The following RANBP2 variants were observed in gnomAD, a reference collection of about 807,000 sequenced individuals.
RANBP2 encodes RAN binding protein 2.
In RANBP2, 57 loss-of-function variants were observed where a neutral mutation model predicts 303.6. The observed-to-expected ratio is 0.19, with a 90% CI of 0.15 to 0.23. RANBP2 has a LOEUF of 0.23. Ranked by LOEUF, RANBP2 falls within the 10% of genes least tolerant of loss-of-function variation. The pLI is 1.00. For synonymous variants in RANBP2, 1,167 were observed against 1,301.5 expected, an observed-to-expected ratio of 0.90 and a Z score of 2.23; for missense variants, 3,138 against 3,780.8, an observed-to-expected ratio of 0.83 and a Z score of 4.46.
intron 1 of RANBP2, among the ~76,000 whole-genome samples, chr2:108,721,206 T>C (rs1405931864): frequency 3.9e-5 from 6 of 152,174 alleles, no homozygotes; most frequent in Non-Finnish European, 5.9e-5. Context: ...TTAAGATACT[T>C]GTTCAGGGTC....
chr2:109,537,097 GA>G, the RANBP2 span, among the ~76,000 whole-genome samples: 317 of 152,302 alleles, frequency 2.1e-3, no homozygotes, highest in African/African-American at 6.7e-3. Flanking sequence ...AATGTAAGGG[GA>G]TAACTCTGGC....
the RANBP2 span, among the ~76,000 whole-genome samples, chr2:109,336,890 C>T: frequency 6.6e-6 from 1 of 152,208 alleles, no homozygotes; most frequent in Non-Finnish European, 1.5e-5. Context: ...CTGCTCAGTT[C>T]CTCCTGTCCC....
the RANBP2 span, among the ~76,000 whole-genome samples, chr2:109,569,079 G>C: frequency 6.6e-6 from 1 of 152,106 alleles, no homozygotes; most frequent in Non-Finnish European, 1.5e-5. Flanking sequence ...AAAAACCTCA[G>C]GCTAATCAGT....
At chr2:109,315,043 A>T in the RANBP2 span, among the ~76,000 whole-genome samples, 1 of 152,238 alleles carries the variant, frequency 6.6e-6, no homozygotes. Context: ...AACAGCGACC[A>T]CATTGAAGAG....
chr2:109,540,255 T>C, the RANBP2 span, among the ~76,000 whole-genome samples: 7 of 152,298 alleles, frequency 4.6e-5, no homozygotes, highest in Non-Finnish European at 8.8e-5. Flanking sequence ...TGCACTGTTT[T>C]ATCTACGCTC....
the RANBP2 span, among the ~76,000 whole-genome samples, chr2:108,820,699 C>CAAAAAAAAAAAA: frequency 1.8e-4 from 11 of 62,574 alleles, no homozygotes; most frequent in African/African-American, 3.2e-4. Context: ...ATTCAAAGTG[C>CAAAAAAAAAAAA]AAAAAAAAAA....
the RANBP2 span, among the ~76,000 whole-genome samples, chr2:109,249,912 C>G: frequency 6.6e-6 from 1 of 151,158 alleles, no homozygotes; most frequent in Non-Finnish European, 1.5e-5. Flanking sequence ...TCTCGATCTC[C>G]TGACCTCATG....
chr2:109,482,446 C>T, the RANBP2 span, among the ~76,000 whole-genome samples: 5 of 152,312 alleles, frequency 3.3e-5, no homozygotes, highest in East Asian at 1.9e-4. Context: ...ACGCACTTCC[C>T]GCAGAACACC....
At chr2:109,377,114 T>A in the RANBP2 span, among the ~76,000 whole-genome samples, 1 of 152,358 alleles carries the variant, frequency 6.6e-6, no homozygotes, top group South Asian at 2.1e-4. Context: ...TAGAATTCAA[T>A]CAGAGCTGTA....
chr2:108,875,266 A>G, the RANBP2 span, among the ~76,000 whole-genome samples: 1 of 151,676 alleles, frequency 6.6e-6, no homozygotes, highest in Non-Finnish European at 1.5e-5. Context: ...ACACGTATAC[A>G]TATGTAACTA....
chr2:109,253,893 T>C, the RANBP2 span, among the ~76,000 whole-genome samples: 399 of 152,236 alleles, frequency 2.6e-3, 2 homozygotes, highest in Middle Eastern at 0.031. Context: ...TTGAACTGCA[T>C]TTTCTTCTTT....
At chr2:109,385,318 A>C in the RANBP2 span, among the ~76,000 whole-genome samples, 72,359 of 151,952 alleles carry the variant, frequency 0.48, 17,344 homozygotes, top group Middle Eastern at 0.55. Flanking sequence ...ATGATTGTTA[A>C]CTTAATTGTA....
At chr2:108,734,732 A>T (rs1410370049) in intron 4 of RANBP2, among the ~76,000 whole-genome samples, 1 of 151,854 alleles carries the variant, frequency 6.6e-6, no homozygotes, top group Non-Finnish European at 1.5e-5. Context: ...CAAGGGTGGT[A>T]TGGTGGTTTC....
At chr2:108,745,359 G>GT (rs1696425396) in intron 7 of RANBP2, among the ~76,000 whole-genome samples, 2 of 147,276 alleles carry the variant, frequency 1.4e-5, no homozygotes, top group Admixed American at 6.9e-5. Flanking sequence ...CATGTTTCTA[G>GT]TAAGTGGGCA....
At chr2:109,708,229 A>G in the RANBP2 span, among the ~76,000 whole-genome samples, 1 of 151,906 alleles carries the variant, frequency 6.6e-6, no homozygotes, top group Non-Finnish European at 1.5e-5. Context: ...GAAGAAAATT[A>G]GAACATTTTA....
the RANBP2 span, among the ~76,000 whole-genome samples, chr2:109,153,365 T>A: frequency 6.6e-6 from 1 of 152,160 alleles, no homozygotes; most frequent in African/African-American, 2.4e-5. Flanking sequence ...TTTAAAAAAA[T>A]TTGTATTTTT....
the RANBP2 span, among the ~76,000 whole-genome samples, chr2:109,442,286 G>T: frequency 0.013 from 1,938 of 146,224 alleles, 52 homozygotes; most frequent in African/African-American, 0.051. Flanking sequence ...ACTCCAGCCT[G>T]GGCAACGGAG....
At chr2:109,173,115 CT>C in the RANBP2 span, among the ~76,000 whole-genome samples, 1 of 152,190 alleles carries the variant, frequency 6.6e-6, no homozygotes, top group African/African-American at 2.4e-5. Context: ...AAATGAACAT[CT>C]TTTTTTAACT....
At chr2:108,959,480 C>T in the RANBP2 span, among the ~76,000 whole-genome samples, 1 of 152,230 alleles carries the variant, frequency 6.6e-6, no homozygotes, top group Non-Finnish European at 1.5e-5. Context: ...CAGAATATTG[C>T]ATCTTTCAAT....
Sources: gnomAD v4.1 joint callset for allele counts (sites outside exome capture counted in the v4.1 genomes callset) on GRCh38, gnomAD v4.1.1 for gene constraint, MANE v1.5 for transcripts, NCBI Gene and HGNC (gene_info 2026-07-23, HGNC 2026-07-21) for gene names.